Variants in SIPA1L3 observed in about 807,000 individuals in gnomAD.
SIPA1L3 encodes the protein signal-induced proliferation-associated 1-like protein 3.
Under a neutral mutation model 150.1 loss-of-function variants are expected in SIPA1L3, and 59 were observed. The ratio of observed to expected loss-of-function variants is 0.39; its 90% CI spans 0.32 to 0.49. SIPA1L3 has a LOEUF of 0.49. Ranked by LOEUF, SIPA1L3 falls within the 20% of genes least tolerant of loss-of-function variation. The pLI is 0.86. For synonymous variants in SIPA1L3, 1,070 were observed against 1,077.6 expected, an observed-to-expected ratio of 0.99 and a Z score of 0.14; for missense variants, 2,211 against 2,489.5, an observed-to-expected ratio of 0.89 and a Z score of 2.38.
intron 1 of SIPA1L3, among the ~76,000 whole-genome samples, chr19:37,937,775 G>A (rs1468047975): frequency 2.9e-5 from 2 of 69,196 alleles, no homozygotes; most frequent in East Asian, 4.5e-4. Context: ...GACCAGGCAC[G>A]GTGGCTCACA....
chr19:37,947,521 C>G (rs1325815768), intron 1 of SIPA1L3, among the ~76,000 whole-genome samples: 3 of 151,854 alleles, frequency 2.0e-5, no homozygotes, highest in Non-Finnish European at 2.9e-5. Context: ...TCCCCCACCT[C>G]AGTAGTCAAT....
chr19:38,016,886 C>CTTTTTTTTT (rs58459050), intron 1 of SIPA1L3, among the ~76,000 whole-genome samples: 5 of 69,138 alleles, frequency 7.2e-5, no homozygotes, highest in Non-Finnish European at 1.0e-4. Context: ...CCTCCTCTGG[C>CTTTTTTTTT]TTTTTTTTTT....
intron 1 of SIPA1L3, among the ~76,000 whole-genome samples, chr19:37,921,431 G>C (rs2046456582): frequency 6.6e-6 from 1 of 152,160 alleles, no homozygotes; most frequent in African/African-American, 2.4e-5. Flanking sequence ...GATCCTGCCA[G>C]TGCTGGCGCC....
chr19:38,062,557 G>A (rs550637999), intron 2 of SIPA1L3, among the ~76,000 whole-genome samples: 1 of 152,316 alleles, frequency 6.6e-6, no homozygotes, highest in Admixed American at 6.5e-5. Context: ...CACAGGGCAG[G>A]ATGCCCACTT....
intron 1 of SIPA1L3, among the ~76,000 whole-genome samples, chr19:37,936,130 C>A (rs2046598216): frequency 6.6e-6 from 1 of 152,154 alleles, no homozygotes; most frequent in Non-Finnish European, 1.5e-5. Context: ...TATCAAGAAG[C>A]CAAAGCCTTC....
intron 6 of SIPA1L3, among the ~76,000 whole-genome samples, chr19:38,102,847 G>A (rs956357718): frequency 1.3e-5 from 2 of 149,756 alleles, no homozygotes; most frequent in Non-Finnish European, 3.0e-5. Context: ...TAAATAGGCC[G>A]GGCATGGTGG....
chr19:38,003,006 C>T (rs567138536), intron 1 of SIPA1L3, among the ~76,000 whole-genome samples: 4 of 151,724 alleles, frequency 2.6e-5, no homozygotes, highest in East Asian at 3.9e-4. Context: ...ATTAGCCAGG[C>T]GTGGTGGCAT....
At chr19:38,042,464 T>A (rs1968948779) in intron 2 of SIPA1L3, among the ~76,000 whole-genome samples, 1 of 152,210 alleles carries the variant, frequency 6.6e-6, no homozygotes, top group Admixed American at 6.5e-5. Context: ...TTAAGATTGC[T>A]TAAAGAGCAT....
Position 38,000,950 on chromosome 19 carries a change from C to CATATA in SIPA1L3, c.-378-28138_-378-28137insTATAA, listed in dbSNP as rs1568496016. Among the ~76,000 whole-genome samples the CATATA allele has an allele frequency of 1.9e-4, 11 of 58,086 alleles. No homozygotes were observed. The East Asian group carries it at 4.6e-3, about 24-fold the overall frequency. 38.1% of individuals were successfully genotyped at this position (58,086 alleles called of 152,430 possible). Reference sequence around the variant, plus strand: ...TATATATAACATATATAACATATAACACACATATAACACATATATAACATA... The same window carrying CATATA: ...TATATATAACATATATAACATATAACATATAACACATATAACACATATATAACATA... On this transcript the variant is annotated intron_variant, in intron 1 of 21. Coordinates refer to ENST00000222345, the MANE Select transcript of SIPA1L3 (RefSeq NM_015073.3).
At chr19:38,171,356 ATAGACCCAT>A in intron 15 of SIPA1L3, among the ~76,000 whole-genome samples, 1 of 148,686 alleles carries the variant, frequency 6.7e-6, no homozygotes, top group African/African-American at 2.5e-5. Flanking sequence ...CCTGGGCAAC[ATAGACCCAT>A]CTCTATCCCC....
chr19:37,933,097 C>G (rs1421677), intron 1 of SIPA1L3, among the ~76,000 whole-genome samples: 102,525 of 151,978 alleles, frequency 0.67, 36,067 homozygotes, highest in African/African-American at 0.87. Flanking sequence ...TCTATGTAAA[C>G]TGCTTCAAGC....
Position 38,082,090 on chromosome 19 carries a change from C to T in SIPA1L3, c.525C>T (p.Thr175=). Residue 175 remains threonine, a synonymous_variant, in exon 3 of 22, where the codon ACC becomes ACT. Transcript: ENST00000222345. The stretch of plus-strand genomic sequence containing the variant: ...GGCACCGCAGCAGCAGCGAGATCAC[C>T]CTCAGCGAGTGTGACGCGGAGGACG... ...PLRHRSSSEI[T]LSECDAEDAG... 1 of 1,611,244 alleles carries T rather than the reference C, an allele frequency of 6.2e-7. No individual in the cohort carries two copies. Among genetic ancestry groups the T allele is most frequent in the South Asian group, 1.1e-5 (1 of 91,072 alleles).
In SIPA1L3 at chr19:37,973,564, G is replaced by GGT. The variant is rs1043358797; in HGVS notation, c.-378-55524_-378-55523insTG. ...AAAAAAAAAAAAAAAAGCGGGAGGG[G>GGT]GGCGCATCTTGAAGCACTAAAACGC... On this transcript the variant is annotated intron_variant, in intron 1 of 21. Coordinates refer to ENST00000222345, the MANE Select transcript of SIPA1L3 (RefSeq NM_015073.3). Among the ~76,000 whole-genome samples, 23 of 144,540 alleles carry GGT rather than the reference G, an allele frequency of 1.6e-4. 1 individual carries two copies. Among genetic ancestry groups the GGT allele is most frequent in the South Asian group, 4.6e-4 (2 of 4,368 alleles). The allele number at this position is 144,540 out of a possible 152,430, so 94.8% of individuals were successfully genotyped here. A position where few individuals can be genotyped will look rare whatever the true frequency, so the allele number is the denominator to read the frequency against.
At chr19:38,064,011 C>T (rs929649747) in intron 2 of SIPA1L3, among the ~76,000 whole-genome samples, 3 of 152,236 alleles carry the variant, frequency 2.0e-5, no homozygotes, top group African/African-American at 4.8e-5. Context: ...TCAGGCCCCT[C>T]GCCTGACTGC....
intron 21 of SIPA1L3, among the ~76,000 whole-genome samples, chr19:38,205,288 C>T (rs1036825817): frequency 1.1e-4 from 9 of 84,950 alleles, no homozygotes; most frequent in Admixed American, 2.5e-4. Context: ...GGTGAAACCC[C>T]GTCTCTACTA....
intron 2 of SIPA1L3, among the ~76,000 whole-genome samples, chr19:38,029,659 C>T (rs1336651912): frequency 2.0e-5 from 3 of 152,098 alleles, no homozygotes; most frequent in African/African-American, 7.2e-5. Flanking sequence ...AGTGCAGTGG[C>T]GTGATCTTGG....
chr19:37,920,223 T>C (rs1442732956), intron 1 of SIPA1L3, among the ~76,000 whole-genome samples: 1 of 152,048 alleles, frequency 6.6e-6, no homozygotes, highest in Non-Finnish European at 1.5e-5. Context: ...CATGCCCAGC[T>C]AATTTTTAAT....
At position 38,110,218 on chromosome 19, in the gene SIPA1L3, C is replaced by T. The variant is rs150394676; in HGVS notation, c.2134-9C>T. The T allele has an allele frequency of 1.2e-6, 2 of 1,613,810 alleles. No individual in the cohort carries two copies. Among genetic ancestry groups the T allele is most frequent in the Non-Finnish European group, 1.7e-6 (2 of 1,179,760 alleles). ...CAGGTTCCTGTCCCCCTCTGTTGCC[C>T]TTTCCCAGCTGCTACGGAAGAGGCA... On this transcript the variant is annotated splice_polypyrimidine_tract_variant and intron_variant, in intron 7 of 21. Coordinates refer to ENST00000222345, the MANE Select transcript of SIPA1L3 (RefSeq NM_015073.3).
At chr19:37,999,007 ACACACC>A (rs1481925231) in intron 1 of SIPA1L3, among the ~76,000 whole-genome samples, 9 of 150,362 alleles carry the variant, frequency 6.0e-5, no homozygotes, top group Non-Finnish European at 1.2e-4. Flanking sequence ...ACACACACAC[ACACACC>A]CACACACACA....
Sources: allele counts gnomAD v4.1 joint callset (sites outside exome capture counted in the v4.1 genomes callset), GRCh38; gene constraint gnomAD v4.1.1; transcripts MANE v1.5; gene names NCBI Gene and HGNC (gene_info 2026-07-23, HGNC 2026-07-21).